Variants in HSDL2 observed in about 807,000 individuals in gnomAD.
HSDL2 encodes hydroxysteroid dehydrogenase like 2, also known as hydroxysteroid dehydrogenase-like protein 2.
HSDL2 carries 27 observed loss-of-function variants against 46.3 expected under a neutral mutation model. The observed-to-expected ratio is 0.58, with a 90% CI of 0.43 to 0.80. HSDL2 has a LOEUF of 0.80. HSDL2 is among the 30% of genes least tolerant of loss of function. The pLI is 0.00. For missense variants in HSDL2, 451 were observed against 502.7 expected, an observed-to-expected ratio of 0.90 and a Z score of 0.98; for synonymous variants, 153 against 163.6, an observed-to-expected ratio of 0.94 and a Z score of 0.50.
intron 9 of HSDL2, among the ~76,000 whole-genome samples, chr9:112,455,546 G>T (rs1000498375): frequency 4.6e-5 from 7 of 152,082 alleles, no homozygotes; most frequent in African/African-American, 1.7e-4. Context: ...GCAAAGTTTT[G>T]GGGGAGGAAA....
intron 6 of HSDL2, among the ~76,000 whole-genome samples, chr9:112,438,110 C>T (rs1273150799): frequency 3.9e-5 from 6 of 152,124 alleles, no homozygotes; most frequent in African/African-American, 7.2e-5. Context: ...GCAGTGGTGG[C>T]GCACGCCTGT....
chr9:112,429,249 C>T (rs1421933919), intron 6 of HSDL2, among the ~76,000 whole-genome samples: 12 of 152,162 alleles, frequency 7.9e-5, no homozygotes, highest in Admixed American at 7.2e-4. Flanking sequence ...TCTTACATGC[C>T]AGGCACAGTT....
At chr9:112,448,655 G>A (rs1832804848) in intron 8 of HSDL2, among the ~76,000 whole-genome samples, 2 of 152,016 alleles carry the variant, frequency 1.3e-5, no homozygotes, top group Admixed American at 1.3e-4. Context: ...GGGTTCAAGC[G>A]ATTCTCCTGC....
chr9:112,381,174 G>A (rs1831085304), intron 1 of HSDL2, among the ~76,000 whole-genome samples: 1 of 151,242 alleles, frequency 6.6e-6, no homozygotes, highest in Admixed American at 6.6e-5. Flanking sequence ...CTTTTAGTTG[G>A]TATGTCTTGG....
intron 6 of HSDL2, among the ~76,000 whole-genome samples, chr9:112,424,850 A>T (rs1201791162): frequency 6.6e-6 from 1 of 151,566 alleles, no homozygotes; most frequent in African/African-American, 2.4e-5. Context: ...TAAAGTATAT[A>T]TTAACATAAA....
chr9:112,443,473 A>G (rs1832683146), intron 8 of HSDL2, among the ~76,000 whole-genome samples: 1 of 152,218 alleles, frequency 6.6e-6, no homozygotes, highest in South Asian at 2.1e-4. Flanking sequence ...TTAACCAGTA[A>G]ACTTAAATGG....
Position 112,405,688 on chromosome 9 carries a change from T to A in HSDL2, c.246T>A (p.Ser82Arg). Residue 82 changes from serine to arginine, a missense_variant, in exon 3 of 11, where the codon AGT (serine) becomes AGA (arginine). Transcript: ENST00000398805. The part of the protein sequence containing the change: ...IVDVRDEQQI[S>R]AAVEKAIKKF... ...ATGTGAGAGATGAACAGCAGATCAGTGCTGCAGTGGAGAAAGCCATCAAGA... is the reference window on the plus strand; with the variant it reads ...ATGTGAGAGATGAACAGCAGATCAGAGCTGCAGTGGAGAAAGCCATCAAGA... 1 of 1,612,732 alleles carries A rather than the reference T, an allele frequency of 6.2e-7. No homozygotes were observed. Among genetic ancestry groups the A allele is most frequent in the East Asian group, 2.2e-5 (1 of 44,828 alleles).
At chr9:112,417,556 T>C (rs7872317) in intron 5 of HSDL2, among the ~76,000 whole-genome samples, 139,044 of 151,306 alleles carry the variant, frequency 0.92, 63,928 homozygotes, top group South Asian at 0.96. Context: ...ATATGCTAAG[T>C]AACAAGATTT....
chr9:112,460,720 T>C (rs1833180842), intron 10 of HSDL2, among the ~76,000 whole-genome samples: 1 of 129,084 alleles, frequency 7.7e-6, no homozygotes, highest in African/African-American at 3.0e-5. Flanking sequence ...CACTCCAGCC[T>C]GGGCGGCAGA....
chr9:112,419,270 C>T (rs756687123), intron 6 of HSDL2, among the ~76,000 whole-genome samples: 42 of 152,310 alleles, frequency 2.8e-4, no homozygotes, highest in Non-Finnish European at 5.3e-4. Flanking sequence ...TCCCAAAGTG[C>T]TGGGATTACA....
intron 4 of HSDL2, among the ~76,000 whole-genome samples, chr9:112,415,032 G>A (rs1001864162): frequency 6.6e-6 from 1 of 151,892 alleles, no homozygotes; most frequent in Non-Finnish European, 1.5e-5. Flanking sequence ...AGCTAAATTT[G>A]TAGCTAAAAT....
intron 6 of HSDL2, among the ~76,000 whole-genome samples, chr9:112,438,185 C>T (rs1417554319): frequency 2.6e-5 from 4 of 152,104 alleles, no homozygotes; most frequent in Non-Finnish European, 4.4e-5. Context: ...TTGCGGTGAG[C>T]GGAGATCACG....
At chr9:112,423,287 T>C (rs1440480544) in intron 6 of HSDL2, among the ~76,000 whole-genome samples, 1 of 152,232 alleles carries the variant, frequency 6.6e-6, no homozygotes. Flanking sequence ...AGCACTACAC[T>C]GTCTTCAAAA....
At chr9:112,411,345 T>C (rs1363763938) in intron 4 of HSDL2, among the ~76,000 whole-genome samples, 6 of 152,190 alleles carry the variant, frequency 3.9e-5, no homozygotes, top group Admixed American at 3.9e-4. Context: ...TAGGTCTCTA[T>C]TGAATGAAAC....
chr9:112,452,730 A>T (rs186098960), intron 8 of HSDL2, among the ~76,000 whole-genome samples: 5 of 152,216 alleles, frequency 3.3e-5, no homozygotes, highest in Non-Finnish European at 7.3e-5. Flanking sequence ...TGGGTGACAA[A>T]GCGAGACTGT....
chr9:112,465,409 G>A (rs895217093), intron 10 of HSDL2, among the ~76,000 whole-genome samples: 4 of 152,162 alleles, frequency 2.6e-5, no homozygotes, highest in African/African-American at 9.7e-5. Context: ...GATTACAGGC[G>A]TGAGCCACCA....
At chr9:112,405,333 G>A (rs1831701314) in intron 2 of HSDL2, among the ~76,000 whole-genome samples, 1 of 152,172 alleles carries the variant, frequency 6.6e-6, no homozygotes, top group Non-Finnish European at 1.5e-5. Flanking sequence ...GCCTGGGCAA[G>A]AGAGTGAGAC....
chr9:112,428,471 C>T (rs927559981), intron 6 of HSDL2, among the ~76,000 whole-genome samples: 2 of 152,184 alleles, frequency 1.3e-5, no homozygotes, highest in Non-Finnish European at 2.9e-5. Flanking sequence ...TTCAATATTT[C>T]TCAAACTATA....
At chr9:112,425,975 A>G (rs777790318) in intron 6 of HSDL2, among the ~76,000 whole-genome samples, 9 of 152,170 alleles carry the variant, frequency 5.9e-5, no homozygotes, top group African/African-American at 1.2e-4. Context: ...TCCTGGGCTC[A>G]GGAAATCCTT....
Sources: gnomAD v4.1 joint callset for allele counts (sites outside exome capture counted in the v4.1 genomes callset) on GRCh38, gnomAD v4.1.1 for gene constraint, MANE v1.5 for transcripts, NCBI Gene and HGNC (gene_info 2026-07-23, HGNC 2026-07-21) for gene names.